The following TRIO variants were observed in gnomAD, a reference collection of about 807,000 sequenced individuals.
TRIO encodes trio Rho guanine nucleotide exchange factor.
TRIO carries 58 observed loss-of-function variants against 351.9 expected under a neutral mutation model. That is an observed-to-expected ratio of 0.16 (90% CI 0.13 to 0.21). TRIO has a LOEUF of 0.21. TRIO is among the 10% of genes least tolerant of loss of function. The probability of loss-of-function intolerance (pLI) is 1.00; values close to 1 mark genes in which losing one functional copy is unlikely to be tolerated. For synonymous variants in TRIO, 1,758 were observed against 1,595.7 expected (o/e 1.10, Z -2.42); for missense variants, 3,201 against 4,027.8 (o/e 0.79, Z 5.56).
intron 1 of TRIO, among the ~76,000 whole-genome samples, chr5:14,163,370 A>G (rs1561151663): frequency 6.6e-6 from 1 of 152,188 alleles, no homozygotes; most frequent in Non-Finnish European, 1.5e-5. Flanking sequence ...TTATGGCTGC[A>G]TAGTATTCTA....
chr5:14,290,518 T>C (rs1373304774), intron 4 of TRIO, among the ~76,000 whole-genome samples, 198 bp from the exon 5 acceptor site: 1 of 152,244 alleles, frequency 6.6e-6, no homozygotes, highest in East Asian at 1.9e-4. Context: ...GTTGCTATAA[T>C]GGATTTGTCT....
At chr5:14,409,834 CAAAAAAA>C (rs762403574) in intron 33 of TRIO, among the ~76,000 whole-genome samples, 3 of 82,132 alleles carry the variant, frequency 3.7e-5, no homozygotes, top group African/African-American at 1.1e-4. Context: ...GACTCCATCT[CAAAAAAA>C]AAAAAAAAAA....
chr5:14,207,318 TCACACACACACACACACACA>T (rs371912129), intron 1 of TRIO, among the ~76,000 whole-genome samples: 5 of 11,064 alleles, frequency 4.5e-4, no homozygotes, highest in East Asian at 0.011. Flanking sequence ...AGACTGTCTC[TCACACACACACACACACACA>T]CACACACACA....
At position 14,507,173 on chromosome 5, in the gene TRIO, T is replaced by C. The variant is rs1452738725; in HGVS notation, c.8664T>C (p.Thr2888=). 6.2e-7 allele frequency: 1 copy of C among 1,612,286 alleles called. No homozygotes were observed. Among genetic ancestry groups the C allele is most frequent in the Non-Finnish European group, 8.5e-7 (1 of 1,179,722 alleles). Residue 2888 remains threonine (T), a synonymous_variant, in exon 56 of 57, where the codon ACT becomes ACC. Coordinates refer to ENST00000344204, the MANE Select transcript of TRIO (RefSeq NM_007118.4). ...LDCVVRWGSL[T]EGKIRAHLGE... is the part of the protein sequence containing the mutation. ...GCGTGGTGCGATGGGGAAGCCTCAC[T>C]GAAGGGAAGATCAGGGCGCACCTGG...
intron 32 of TRIO, chr5:14,406,269 C>T (rs574120539): frequency 3.5e-5 from 20 of 565,432 alleles, no homozygotes; most frequent in African/African-American, 3.4e-4. Flanking sequence ...AACTCATGCA[C>T]ATGACCTTGG....
At chr5:14,218,786 G>T (rs542625316) in intron 1 of TRIO, among the ~76,000 whole-genome samples, 29 of 152,340 alleles carry the variant, frequency 1.9e-4, no homozygotes, top group Admixed American at 5.2e-4. Context: ...TGCATTAGAT[G>T]GGGCACCAAT....
intron 1 of TRIO, among the ~76,000 whole-genome samples, chr5:14,202,426 C>T (rs928183484): frequency 1.5e-4 from 23 of 148,390 alleles, no homozygotes; most frequent in African/African-American, 5.7e-4. Flanking sequence ...AAAGATTGGA[C>T]ACTCCTGACC....
intron 1 of TRIO, among the ~76,000 whole-genome samples, chr5:14,252,308 C>G (rs1392523174): frequency 6.6e-6 from 1 of 152,208 alleles, no homozygotes; most frequent in African/African-American, 2.4e-5. Flanking sequence ...GTGGCCTCAC[C>G]GAGCACCTGG....
chr5:14,149,629 AG>A (rs1391567910), intron 1 of TRIO, among the ~76,000 whole-genome samples: 1 of 152,180 alleles, frequency 6.6e-6, no homozygotes, highest in East Asian at 1.9e-4. Flanking sequence ...TTGATGGCAG[AG>A]GGGCTGTGGA....
intron 33 of TRIO, among the ~76,000 whole-genome samples, chr5:14,418,413 A>G (rs1262454638): frequency 6.6e-6 from 1 of 152,138 alleles, no homozygotes; most frequent in African/African-American, 2.4e-5. Context: ...GACCCAGTGA[A>G]GTGATTGGTA....
intron 40 of TRIO, 108 bp from the exon 41 acceptor site, chr5:14,476,784 ACT>A: frequency 1.1e-6 from 1 of 896,048 alleles, no homozygotes; most frequent in Non-Finnish European, 1.6e-6. Context: ...ATAGAGTGAC[ACT>A]CTCTCAAAAA....
intron 1 of TRIO, among the ~76,000 whole-genome samples, chr5:14,165,641 ACTTTC>A (rs1462727778): frequency 6.6e-6 from 1 of 151,878 alleles, no homozygotes; most frequent in Non-Finnish European, 1.5e-5. Flanking sequence ...CTTCAAAGGG[ACTTTC>A]CTTTGTTTAG....
At chr5:14,421,497 G>A (rs1750152543) in intron 34 of TRIO, among the ~76,000 whole-genome samples, 1 of 151,236 alleles carries the variant, frequency 6.6e-6, no homozygotes, top group South Asian at 2.1e-4. Flanking sequence ...CCAGCTACTC[G>A]AGAGGCTGAG....
chr5:14,283,291 C>T (rs1393058082), intron 3 of TRIO, among the ~76,000 whole-genome samples: 1 of 152,176 alleles, frequency 6.6e-6, no homozygotes, highest in African/African-American at 2.4e-5. Flanking sequence ...CCAGTGCTTC[C>T]TCGTGCTTCC....
At chr5:14,385,126 GAGT>G (rs1390838719) in intron 21 of TRIO, among the ~76,000 whole-genome samples, 4 of 152,210 alleles carry the variant, frequency 2.6e-5, no homozygotes, top group African/African-American at 9.7e-5. Flanking sequence ...GTTGCTGGGG[GAGT>G]GGAGCAGGGC....
At chr5:14,363,973 C>T (rs763138713) in intron 14 of TRIO, 46 bp downstream of exon 14, 11 of 1,562,150 alleles carry the variant, frequency 7.0e-6, no homozygotes, top group Middle Eastern at 1.7e-4. Context: ...TTCTTCATGT[C>T]GTCATGGCAA....
At chr5:14,485,770 G>C (rs1157716874) in intron 47 of TRIO, among the ~76,000 whole-genome samples, 2 of 152,156 alleles carry the variant, frequency 1.3e-5, no homozygotes, top group Admixed American at 6.5e-5. Flanking sequence ...CAGATCACCT[G>C]AGGTCAGGAG....
chr5:14,455,183 G>A (rs535468363), intron 34 of TRIO, among the ~76,000 whole-genome samples: 6 of 152,156 alleles, frequency 3.9e-5, no homozygotes, highest in Admixed American at 1.3e-4. Flanking sequence ...ATGGGTTGCC[G>A]CTGCTGGCTT....
At chr5:14,320,224 C>G (rs1210248903) in intron 9 of TRIO, among the ~76,000 whole-genome samples, 1 of 152,176 alleles carries the variant, frequency 6.6e-6, no homozygotes, top group Non-Finnish European at 1.5e-5. Flanking sequence ...CTGCTACACA[C>G]TGTTTTCTAG....
Sources: allele counts gnomAD v4.1 joint callset (sites outside exome capture counted in the v4.1 genomes callset), GRCh38; gene constraint gnomAD v4.1.1; transcripts MANE v1.5; gene names NCBI Gene and HGNC (gene_info 2026-07-23, HGNC 2026-07-21).